MYO6: variants seen among roughly 807,000 people sequenced by gnomAD.
MYO6 encodes the protein myosin VI.
In MYO6, 74 loss-of-function variants were observed where a neutral mutation model predicts 178.7. The ratio of observed to expected loss-of-function variants is 0.41; its 90% CI spans 0.34 to 0.50. The LOEUF (loss-of-function observed/expected upper bound fraction) is 0.50, where lower values mean the gene tolerates loss of function less well. MYO6 is among the 20% of genes least tolerant of loss of function. The probability of loss-of-function intolerance (pLI) is 0.09; values close to 1 mark genes in which losing one functional copy is unlikely to be tolerated. For missense variants in MYO6, 1,330 were observed against 1,547.4 expected, an observed-to-expected ratio of 0.86 and a Z score of 2.36; for synonymous variants, 477 against 504.6, an observed-to-expected ratio of 0.95 and a Z score of 0.73.
At chr6:75,899,348 T>C (rs1428746381) in intron 30 of MYO6, among the ~76,000 whole-genome samples, 2 of 148,728 alleles carry the variant, frequency 1.3e-5, no homozygotes, top group Non-Finnish European at 3.0e-5. Context: ...ACCTCTTCTT[T>C]CAAAAGAAAA....
intron 18 of MYO6, among the ~76,000 whole-genome samples, chr6:75,869,409 C>T (rs1036077777): frequency 3.9e-5 from 6 of 152,070 alleles, no homozygotes; most frequent in Non-Finnish European, 7.4e-5. Context: ...TCCGTAACCT[C>T]GGGCAAGTTA....
At chr6:75,756,417 C>G (rs552021194) in intron 1 of MYO6, among the ~76,000 whole-genome samples, 143 of 152,252 alleles carry the variant, frequency 9.4e-4, no homozygotes, top group African/African-American at 3.3e-3. Context: ...ACTGCAACTT[C>G]CGCCTCTCGG....
intron 30 of MYO6, among the ~76,000 whole-genome samples, chr6:75,901,434 C>T (rs991250441): frequency 5.3e-5 from 8 of 152,070 alleles, no homozygotes; most frequent in African/African-American, 1.9e-4. Context: ...TGAAGAGGTC[C>T]TTCACATCCC....
rs1252912172 is a variant in MYO6 at position 75,805,021 on chromosome 6, A to ATATATT, written c.-47-12479_-47-12478insATATTT. Among the ~76,000 whole-genome samples, 98 of 77,282 alleles carry ATATATT rather than the reference A, an allele frequency of 1.3e-3. 3 individuals are homozygous for ATATATT. Among genetic ancestry groups the ATATATT allele is most frequent in the African/African-American group, 9.3e-3 (92 of 9,848 alleles). The allele number at this position is 77,282 out of a possible 152,430, so 50.7% of individuals were successfully genotyped here. ...CACACACATATATATATATATATAT[A>ATATATT]TTTTTTTTTTTTTTTTTTTTGAGAC... On this transcript the variant is annotated intron_variant, in intron 1 of 34. Transcript: ENST00000369977.
chr6:75,890,095 T>C lies in MYO6; in HGVS notation c.2697T>C (p.Tyr899=), dbSNP rs1248576985. Reference sequence around the variant, plus strand: ...CGCAGGAACAAATCCAGAAAGAATATGATGCACTGGTTAAAAGCTCAGAGG... The same window carrying C: ...CGCAGGAACAAATCCAGAAAGAATACGATGCACTGGTTAAAAGCTCAGAGG... ...MMTQEQIQKE[Y]DALVKSSEEL... is the part of the protein sequence containing the mutation. Residue 899 remains tyrosine, a synonymous_variant, in exon 26 of 35, where the codon TAT becomes TAC. Transcript: ENST00000369977. 1 of 1,613,510 alleles carries C rather than the reference T, an allele frequency of 6.2e-7. No homozygotes were observed. Among genetic ancestry groups the C allele is most frequent in the South Asian group, 1.1e-5 (1 of 91,066 alleles).
chr6:75,914,268 C>A lies in MYO6; in HGVS notation c.3645C>A (p.Ile1215=), dbSNP rs146978158. The A allele has an allele frequency of 6.2e-7, 1 of 1,614,100 alleles. No individual in the cohort carries two copies. Among genetic ancestry groups the A allele is most frequent in the Non-Finnish European group, 8.5e-7 (1 of 1,179,966 alleles). Residue 1215 remains isoleucine (I), a synonymous_variant, in exon 34 of 35, where the codon ATC becomes ATA. Coordinates refer to ENST00000369977, the MANE Select transcript of MYO6 (RefSeq NM_004999.4). ...QMELHPDKPP[I]LLVAGKDDME... is the part of the protein sequence containing the mutation. Reference sequence around the variant, plus strand: ...AACTCCATCCTGACAAGCCACCCATCCTACTTGTGGCTGGTGTGTATGATT... The same window carrying A: ...AACTCCATCCTGACAAGCCACCCATACTACTTGTGGCTGGTGTGTATGATT...
chr6:75,839,837 G>A (rs527671117), intron 7 of MYO6, among the ~76,000 whole-genome samples: 3 of 152,080 alleles, frequency 2.0e-5, no homozygotes, highest in African/African-American at 7.2e-5. Flanking sequence ...ATTAATATGT[G>A]AAATGTTTTA....
intron 30 of MYO6, among the ~76,000 whole-genome samples, chr6:75,901,935 G>C (rs867401965): frequency 1.5e-4 from 22 of 151,206 alleles, no homozygotes; most frequent in Non-Finnish European, 3.1e-4. Flanking sequence ...TTAGCATGAA[G>C]GGTTGTTGAA....
intron 1 of MYO6, among the ~76,000 whole-genome samples, chr6:75,806,660 G>A (rs553521424): frequency 1.3e-5 from 2 of 152,328 alleles, no homozygotes; most frequent in East Asian, 3.9e-4. Context: ...GCGGAAAACT[G>A]CTTAAAGACA....
chr6:75,906,239 C>CTT (rs10689581), intron 30 of MYO6, among the ~76,000 whole-genome samples: 60,307 of 151,884 alleles, frequency 0.4, 12,849 homozygotes, highest in Middle Eastern at 0.54. Context: ...AAACGCTTCT[C>CTT]GTTACCTTGA....
Position 75,808,364 on chromosome 6 carries a change from G to T in MYO6, c.-47-9137G>T, listed in dbSNP as rs576924002. 1.9e-4 allele frequency among the ~76,000 whole-genome samples: 29 copies of T among 152,142 alleles called. No homozygotes were observed. The South Asian group carries it at 6.0e-3, about 32-fold the overall frequency. ...TGGCCTTTCCATGGTGCATGTACTCGGACAGAGATCTATTTCTCTCTCTTC... is the reference window on the plus strand; with the variant it reads ...TGGCCTTTCCATGGTGCATGTACTCTGACAGAGATCTATTTCTCTCTCTTC... On this transcript the variant is annotated intron_variant, in intron 1 of 34. Coordinates refer to ENST00000369977, the MANE Select transcript of MYO6 (RefSeq NM_004999.4).
chr6:75,823,489 A>G (rs1277784511), intron 3 of MYO6, among the ~76,000 whole-genome samples: 1 of 152,208 alleles, frequency 6.6e-6, no homozygotes, highest in Non-Finnish European at 1.5e-5. Flanking sequence ...CATTAAAGGT[A>G]CTTGACACTA....
Position 75,823,007 on chromosome 6 carries a change from C to T in MYO6, c.187+156C>T, listed in dbSNP as rs531351697. Among the ~76,000 whole-genome samples the T allele has an allele frequency of 2.6e-5, 4 of 152,304 alleles. No individual in the cohort carries two copies. In the East Asian group the frequency reaches 7.7e-4, roughly 29 times the overall value. On this transcript the variant is annotated intron_variant, in intron 3 of 34. Transcript: ENST00000369977. ...TCATGTGAATGAAGGAACTCGAGTC[C>T]TCCATGTTGTCTCACATTTGCATTT...
Position 75,755,057 on chromosome 6 carries a change from C to A in MYO6, c.-48+5634C>A, listed in dbSNP as rs181077076. 5.9e-5 allele frequency among the ~76,000 whole-genome samples: 9 copies of A among 151,960 alleles called. No homozygotes were observed. In the East Asian group the frequency reaches 1.7e-3, roughly 29 times the overall value. On this transcript the variant is annotated intron_variant, in intron 1 of 34. Transcript: ENST00000369977. ...AACAGCCTGGGCAACATGGTGAAAC[C>A]CTTTCACAAAAAATATTATACAAAA... is the stretch of plus-strand genomic sequence containing the variant.
intron 23 of MYO6, among the ~76,000 whole-genome samples, chr6:75,882,196 T>C (rs757606748): frequency 3.3e-5 from 5 of 152,180 alleles, no homozygotes; most frequent in Non-Finnish European, 5.9e-5. Flanking sequence ...TGATTTTCCT[T>C]TCTTATCCCT....
intron 18 of MYO6, among the ~76,000 whole-genome samples, chr6:75,868,031 GTA>G (rs1776838417): frequency 6.6e-6 from 1 of 151,946 alleles, no homozygotes; most frequent in Non-Finnish European, 1.5e-5. Flanking sequence ...TTCACTATAT[GTA>G]CTTTAAATAT....
At chr6:75,790,631 G>A (rs1032284231) in intron 1 of MYO6, among the ~76,000 whole-genome samples, 13 of 151,972 alleles carry the variant, frequency 8.6e-5, no homozygotes, top group African/African-American at 2.7e-4. Context: ...CGCCTGCCTC[G>A]GCCTCCCAAT....
At chr6:75,818,365 C>A (rs1439509952) in intron 2 of MYO6, among the ~76,000 whole-genome samples, 1 of 152,158 alleles carries the variant, frequency 6.6e-6, no homozygotes, top group Admixed American at 6.5e-5. Context: ...ACTCCATTCT[C>A]AGAGAGTGAG....
intron 1 of MYO6, among the ~76,000 whole-genome samples, chr6:75,795,295 A>G (rs1279960981): frequency 7.2e-5 from 11 of 151,986 alleles, no homozygotes; most frequent in Admixed American, 7.2e-4. Context: ...GATCTACTTT[A>G]AAAAAAACCA....
Sources: allele counts gnomAD v4.1 joint callset (sites outside exome capture counted in the v4.1 genomes callset), GRCh38; gene constraint gnomAD v4.1.1; transcripts MANE v1.5; gene names NCBI Gene and HGNC (gene_info 2026-07-23, HGNC 2026-07-21).